Variants in CLSTN2 observed in about 807,000 individuals in gnomAD.
CLSTN2 encodes the protein calsyntenin 2.
A neutral mutation model predicts 101.2 loss-of-function variants in CLSTN2; 48 were observed. That is an observed-to-expected ratio of 0.47 (90% CI 0.38 to 0.60). The LOEUF is 0.60. CLSTN2 is among the 20% of genes least tolerant of loss of function. The pLI, the probability that CLSTN2 is intolerant of heterozygous loss-of-function variation, is 0.00. For missense variants in CLSTN2, 1,160 were observed against 1,238.2 expected, an observed-to-expected ratio of 0.94 and a Z score of 0.95; for synonymous variants, 481 against 463.6, an observed-to-expected ratio of 1.04 and a Z score of -0.48.
chr3:140,492,578 A>T (rs181480021), intron 8 of CLSTN2, among the ~76,000 whole-genome samples: 153 of 152,356 alleles, frequency 1.0e-3, no homozygotes, highest in African/African-American at 3.5e-3. Context: ...ACCTCTCAGG[A>T]ACACACAGTC....
chr3:140,100,523 G>A (rs1305389897), intron 1 of CLSTN2, among the ~76,000 whole-genome samples: 4 of 152,196 alleles, frequency 2.6e-5, no homozygotes, highest in African/African-American at 7.2e-5. Context: ...AACACTGTGG[G>A]ATTCCCTTAA....
intron 1 of CLSTN2, among the ~76,000 whole-genome samples, chr3:140,099,517 T>A (rs1314694945): frequency 6.6e-6 from 1 of 152,122 alleles, no homozygotes; most frequent in Non-Finnish European, 1.5e-5. Flanking sequence ...CTAAAATACA[T>A]CTGCAGAGAC....
In CLSTN2 at chr3:140,448,542, CAGCCTGGCTCCGGG is replaced by C. The variant is rs1933151243; in HGVS notation, c.815_828del (p.Pro272HisfsTer28). 6.2e-7 allele frequency: 1 copy of C among 1,613,864 alleles called. No homozygotes were observed. Among genetic ancestry groups the C allele is most frequent in the African/African-American group, 1.3e-5 (1 of 74,890 alleles). ...AGACTGGACCAAGAGGATTGAGTACCAGCCTGGCTCCGGGAGCATGCCCCTGTTCCCCAGCATCC... is the reference window on the plus strand; with the variant it reads ...AGACTGGACCAAGAGGATTGAGTACCAGCATGCCCCTGTTCCCCAGCATCC... On this transcript the variant is annotated frameshift_variant, in exon 6 of 17. Transcript: ENST00000458420. LOFTEE classifies it high-confidence loss of function.
chr3:140,369,615 C>T (rs1048010965), intron 2 of CLSTN2, among the ~76,000 whole-genome samples: 1 of 152,110 alleles, frequency 6.6e-6, no homozygotes, highest in East Asian at 1.9e-4. Flanking sequence ...GTCCTTTCAA[C>T]TTCTGCTTGG....
chr3:140,165,377 T>A (rs974102436), intron 1 of CLSTN2, among the ~76,000 whole-genome samples: 3 of 152,188 alleles, frequency 2.0e-5, no homozygotes, highest in Admixed American at 1.3e-4. Context: ...ACTCACTATA[T>A]GCTGGGCACT....
chr3:139,979,516 T>A (rs1241633777), intron 1 of CLSTN2, among the ~76,000 whole-genome samples: 1 of 152,050 alleles, frequency 6.6e-6, no homozygotes, highest in Non-Finnish European at 1.5e-5. Context: ...CGCCTACATG[T>A]CTCAGGCACA....
intron 2 of CLSTN2, among the ~76,000 whole-genome samples, chr3:140,213,895 A>C (rs2010888914): frequency 2.0e-5 from 3 of 152,176 alleles, no homozygotes; most frequent in Non-Finnish European, 4.4e-5. Context: ...CTGAAGTAGA[A>C]GAGGATTTGC....
intron 1 of CLSTN2, among the ~76,000 whole-genome samples, chr3:140,112,244 T>G (rs1423919614): frequency 1.3e-5 from 2 of 152,230 alleles, no homozygotes; most frequent in African/African-American, 4.8e-5. Context: ...ATCCTTTAAC[T>G]ACTTGTCTTC....
At chr3:140,246,907 C>T (rs369680828) in intron 2 of CLSTN2, among the ~76,000 whole-genome samples, 8 of 152,064 alleles carry the variant, frequency 5.3e-5, no homozygotes, top group South Asian at 4.2e-4. Context: ...GGACCGAATC[C>T]TAGGGTTATT....
chr3:140,169,333 T>C (rs1175966122), intron 1 of CLSTN2, among the ~76,000 whole-genome samples: 1 of 152,164 alleles, frequency 6.6e-6, no homozygotes, highest in Non-Finnish European at 1.5e-5. Flanking sequence ...ATATTGACTT[T>C]CTATCTTCTG....
At chr3:140,406,145 G>T (rs745745833) in intron 4 of CLSTN2, among the ~76,000 whole-genome samples, 2 of 152,168 alleles carry the variant, frequency 1.3e-5, no homozygotes, top group Non-Finnish European at 2.9e-5. Flanking sequence ...AATGTCTAGA[G>T]GAAAATAGCA....
chr3:140,543,183 G>T (rs953866997), intron 9 of CLSTN2, among the ~76,000 whole-genome samples: 5 of 152,194 alleles, frequency 3.3e-5, no homozygotes, highest in Admixed American at 2.0e-4. Flanking sequence ...GGAGGAGGAG[G>T]CTGTGAAGAG....
Position 140,478,067 on chromosome 3 carries a change from T to C in CLSTN2, c.1344+11336T>C, listed in dbSNP as rs910720886. ...TGGTGAAAAGGTAAGAAAAGACTGT[T>C]ACCACAGCATTTTTACACCTTATGA... On this transcript the variant is annotated intron_variant, in intron 8 of 16. Transcript: ENST00000458420. Among the ~76,000 whole-genome samples, 4 of 152,322 alleles carry C rather than the reference T, an allele frequency of 2.6e-5. No homozygotes were observed. The East Asian group carries it at 5.8e-4, about 22-fold the overall frequency.
chr3:140,377,394 C>T (rs1157000322), intron 2 of CLSTN2, among the ~76,000 whole-genome samples: 1 of 152,172 alleles, frequency 6.6e-6, no homozygotes, highest in African/African-American at 2.4e-5. Flanking sequence ...CAGCATCAGA[C>T]AAGTCCTTCA....
At chr3:140,234,984 CAGA>C (rs1488367575) in intron 2 of CLSTN2, among the ~76,000 whole-genome samples, 3 of 152,176 alleles carry the variant, frequency 2.0e-5, no homozygotes, top group South Asian at 2.1e-4. Context: ...CACACAACTC[CAGA>C]AGAAGTGGCT....
At chr3:140,248,966 T>A (rs1212603363) in intron 2 of CLSTN2, among the ~76,000 whole-genome samples, 2 of 152,184 alleles carry the variant, frequency 1.3e-5, no homozygotes, top group Non-Finnish European at 2.9e-5. Flanking sequence ...CTCTTAGCAC[T>A]GACACATTGG....
intron 2 of CLSTN2, among the ~76,000 whole-genome samples, chr3:140,277,768 A>G (rs1031252423): frequency 1.3e-5 from 2 of 152,206 alleles, no homozygotes; most frequent in African/African-American, 4.8e-5. Context: ...TGGTTCCATC[A>G]TTACTATTGA....
intron 1 of CLSTN2, among the ~76,000 whole-genome samples, chr3:140,172,868 T>C (rs2010261585): frequency 6.6e-6 from 1 of 152,164 alleles, no homozygotes; most frequent in African/African-American, 2.4e-5. Flanking sequence ...ATGATTCAAT[T>C]ATCTCCCACT....
chr3:140,173,119 A>T (rs770834970), intron 1 of CLSTN2, among the ~76,000 whole-genome samples: 23 of 152,240 alleles, frequency 1.5e-4, no homozygotes, highest in Non-Finnish European at 3.2e-4. Flanking sequence ...CTGCCTATGA[A>T]CTTGTAAAAT....
Sources: allele counts gnomAD v4.1 joint callset (sites outside exome capture counted in the v4.1 genomes callset), GRCh38; gene constraint gnomAD v4.1.1; transcripts MANE v1.5; gene names NCBI Gene and HGNC (gene_info 2026-07-23, HGNC 2026-07-21).